The following ADCY2 variants were observed in gnomAD, a reference collection of about 807,000 sequenced individuals.
ADCY2 encodes the protein adenylate cyclase 2, also known as adenylate cyclase type 2.
In ADCY2, 31 loss-of-function variants were observed where a neutral mutation model predicts 125.2. That is an observed-to-expected ratio of 0.25 (90% CI 0.19 to 0.33). ADCY2 has a LOEUF of 0.33. Among genes scored for constraint, ADCY2 ranks in the 10% least tolerant of loss-of-function variants. The pLI is 1.00. For missense variants in ADCY2, 904 were observed against 1,418.2 expected, an observed-to-expected ratio of 0.64 and a Z score of 5.82; for synonymous variants, 512 against 548.4, an observed-to-expected ratio of 0.93 and a Z score of 0.93.
chr5:7,637,875 G>T (rs1427715126), intron 4 of ADCY2, among the ~76,000 whole-genome samples: 1 of 152,306 alleles, frequency 6.6e-6, no homozygotes, highest in East Asian at 1.9e-4. Flanking sequence ...GAGTTTCAAG[G>T]TTGGGCAGTT....
At chr5:7,558,860 T>G (rs1735620710) in intron 3 of ADCY2, among the ~76,000 whole-genome samples, 1 of 152,182 alleles carries the variant, frequency 6.6e-6, no homozygotes, top group South Asian at 2.1e-4. Context: ...AATTTTTTTG[T>G]GTGGTGTAAT....
chr5:7,467,929 C>T (rs374855613), intron 2 of ADCY2, among the ~76,000 whole-genome samples: 51 of 152,220 alleles, frequency 3.4e-4, no homozygotes, highest in African/African-American at 1.2e-3. Flanking sequence ...ACAAAAATAT[C>T]GCCACTTTAT....
At chr5:7,603,784 C>CTTTTTTTTTTTTTTTTTTTTTT in intron 3 of ADCY2, among the ~76,000 whole-genome samples, 135 of 62,800 alleles carry the variant, frequency 2.1e-3, no homozygotes, top group African/African-American at 2.5e-3. Flanking sequence ...TGCTCTCTTT[C>CTTTTTTTTTTTTTTTTTTTTTT]TTTTTTTTTT....
At chr5:7,534,243 G>C (rs1049048301) in intron 3 of ADCY2, among the ~76,000 whole-genome samples, 2 of 152,176 alleles carry the variant, frequency 1.3e-5, no homozygotes, top group African/African-American at 4.8e-5. Context: ...GGCACTGCTA[G>C]CTTTTGGTAG....
At chr5:7,499,284 G>T (rs1743459750) in intron 2 of ADCY2, among the ~76,000 whole-genome samples, 1 of 152,122 alleles carries the variant, frequency 6.6e-6, no homozygotes, top group South Asian at 2.1e-4. Flanking sequence ...GGGATTACAG[G>T]CATGAGCCAC....
At chr5:7,467,431 C>T (rs927124968) in intron 2 of ADCY2, among the ~76,000 whole-genome samples, 3 of 152,146 alleles carry the variant, frequency 2.0e-5, no homozygotes, top group Admixed American at 6.5e-5. Flanking sequence ...CAGCATTGAC[C>T]GCCGTGGAGA....
At chr5:7,746,873 A>C (rs1437705403) in intron 15 of ADCY2, among the ~76,000 whole-genome samples, 2 of 152,208 alleles carry the variant, frequency 1.3e-5, no homozygotes. Context: ...TGCCTCTGTC[A>C]TTCTCTGTTG....
At chr5:7,476,086 A>G (rs1388569526) in intron 2 of ADCY2, among the ~76,000 whole-genome samples, 1 of 152,164 alleles carries the variant, frequency 6.6e-6, no homozygotes, top group South Asian at 2.1e-4. Flanking sequence ...GTGCTCTGAC[A>G]CTTCTGGTAT....
intron 3 of ADCY2, among the ~76,000 whole-genome samples, chr5:7,534,738 T>C (rs1579546738): frequency 6.6e-6 from 1 of 152,360 alleles, no homozygotes; most frequent in East Asian, 1.9e-4. Context: ...GACCTGTTTC[T>C]GGGCAGACGA....
At chr5:7,427,964 A>G (rs927738206) in intron 2 of ADCY2, among the ~76,000 whole-genome samples, 3 of 152,210 alleles carry the variant, frequency 2.0e-5, no homozygotes, top group African/African-American at 7.2e-5. Context: ...CCCTTGTTAA[A>G]AAATTATTAA....
At chr5:7,701,372 C>T (rs1008977529) in intron 7 of ADCY2, among the ~76,000 whole-genome samples, 3 of 152,174 alleles carry the variant, frequency 2.0e-5, no homozygotes, top group Non-Finnish European at 2.9e-5. Flanking sequence ...AAGATGTTTT[C>T]GGAGAAAGAA....
intron 2 of ADCY2, among the ~76,000 whole-genome samples, chr5:7,503,628 TC>T (rs1743682328): frequency 6.6e-6 from 1 of 152,144 alleles, no homozygotes; most frequent in African/African-American, 2.4e-5. Flanking sequence ...TGTTTCCTTA[TC>T]CATTAAATAG....
At chr5:7,552,799 G>A (rs1335592776) in intron 3 of ADCY2, among the ~76,000 whole-genome samples, 1 of 152,090 alleles carries the variant, frequency 6.6e-6, no homozygotes, top group Non-Finnish European at 1.5e-5. Context: ...TTTTTCTTAG[G>A]TTGCCCTTGT....
chr5:7,557,998 C>G (rs1319301184), intron 3 of ADCY2, among the ~76,000 whole-genome samples: 1 of 152,070 alleles, frequency 6.6e-6, no homozygotes, highest in African/African-American at 2.4e-5. Flanking sequence ...TATAAGCATT[C>G]CTTTTTCTCC....
At chr5:7,521,236 A>G (rs2126533215) in intron 3 of ADCY2, among the ~76,000 whole-genome samples, 1 of 152,348 alleles carries the variant, frequency 6.6e-6, no homozygotes, top group African/African-American at 2.4e-5. Context: ...TTTATAGTGA[A>G]GTAACTTATA....
intron 14 of ADCY2, among the ~76,000 whole-genome samples, chr5:7,735,012 G>A (rs4702492): frequency 0.99 from 151,069 of 152,254 alleles, 74,955 homozygotes; most frequent in Middle Eastern, 1. Flanking sequence ...TCATGACCCA[G>A]TCACCTCCGA....
chr5:7,479,777 T>G (rs1208670118), intron 2 of ADCY2, among the ~76,000 whole-genome samples: 1 of 152,158 alleles, frequency 6.6e-6, no homozygotes, highest in Non-Finnish European at 1.5e-5. Flanking sequence ...GTGGTCATCC[T>G]TTTACTCTCT....
At chr5:7,557,201 A>ATATATATATGATATATATATATG in intron 3 of ADCY2, among the ~76,000 whole-genome samples, 2 of 140,110 alleles carry the variant, frequency 1.4e-5, no homozygotes, top group African/African-American at 2.6e-5. Context: ...TGATATATAT[A>ATATATATATGATATATATATATG]ACTCAAGTGA....
chr5:7,585,101 T>G (rs1419503922), intron 3 of ADCY2, among the ~76,000 whole-genome samples: 2 of 152,196 alleles, frequency 1.3e-5, no homozygotes, highest in African/African-American at 2.4e-5. Context: ...TCACCATCAT[T>G]AACTATATTT....
Sources: gnomAD v4.1 joint callset for allele counts (sites outside exome capture counted in the v4.1 genomes callset) on GRCh38, gnomAD v4.1.1 for gene constraint, MANE v1.5 for transcripts, NCBI Gene and HGNC (gene_info 2026-07-23, HGNC 2026-07-21) for gene names.